Variants in PHLPP1 observed in about 807,000 individuals in gnomAD.
PHLPP1 encodes the protein PH domain and leucine rich repeat protein phosphatase 1, also known as PH domain leucine-rich repeat-containing protein phosphatase 1.
In PHLPP1, 42 loss-of-function variants were observed where a neutral mutation model predicts 117.2. That is an observed-to-expected ratio of 0.36 (90% CI 0.28 to 0.46). The LOEUF is 0.46. Ranked by LOEUF, PHLPP1 falls within the 20% of genes least tolerant of loss-of-function variation. PHLPP1 has a pLI of 1.00. For synonymous variants in PHLPP1, 1,042 were observed against 970.7 expected, an observed-to-expected ratio of 1.07 and a Z score of -1.37; for missense variants, 2,084 against 2,241.9, an observed-to-expected ratio of 0.93 and a Z score of 1.42.
At chr18:62,977,825 CAG>C (rs35903275) in intron 16 of PHLPP1, among the ~76,000 whole-genome samples, 17,249 of 152,182 alleles carry the variant, frequency 0.11, 1,250 homozygotes, top group African/African-American at 0.21. Flanking sequence ...CTTGCTACCT[CAG>C]AGTCTTCCTA....
intron 1 of PHLPP1, among the ~76,000 whole-genome samples, chr18:62,802,697 C>A (rs1243692369): frequency 6.6e-6 from 1 of 151,980 alleles, no homozygotes; most frequent in East Asian, 1.9e-4. Context: ...CATTTTTCTA[C>A]TGTGTGAAAA....
Position 62,905,998 on chromosome 18 carries a change from A to AG in PHLPP1, c.2708+714_2708+715insG, listed in dbSNP as rs561543149. ...TTTAACAATGAATTTTAAAATTGCA[A>AG]CTCATTTGGAAGGTAACTCCAAAGG... On this transcript the variant is annotated intron_variant, in intron 8 of 16. Transcript: ENST00000262719. 5.1e-4 allele frequency among the ~76,000 whole-genome samples: 77 copies of AG among 152,090 alleles called. 2 individuals are homozygous for AG. In the South Asian group the frequency reaches 0.016, roughly 31 times the overall value.
chr18:62,834,626 A>C (rs1030151356), intron 2 of PHLPP1, among the ~76,000 whole-genome samples: 7 of 152,202 alleles, frequency 4.6e-5, no homozygotes, highest in African/African-American at 1.7e-4. Context: ...TTGCATTCAC[A>C]TCAGTGTACA....
chr18:62,890,384 A>G (rs566837516), intron 4 of PHLPP1, among the ~76,000 whole-genome samples: 1 of 152,040 alleles, frequency 6.6e-6, no homozygotes, highest in Non-Finnish European at 1.5e-5. Context: ...CTCCTGCCTC[A>G]GCCTGCCGAG....
intron 4 of PHLPP1, among the ~76,000 whole-genome samples, chr18:62,879,982 C>G (rs774707483): frequency 2.8e-4 from 43 of 152,070 alleles, no homozygotes; most frequent in Admixed American, 7.2e-4. Flanking sequence ...CCCCCACCCC[C>G]CAATGCCGCC....
chr18:62,780,484 C>T (rs952728379), intron 1 of PHLPP1, among the ~76,000 whole-genome samples: 3 of 152,188 alleles, frequency 2.0e-5, no homozygotes, highest in Non-Finnish European at 2.9e-5. Flanking sequence ...ATCAGTTTTA[C>T]TTAAGGTTCA....
chr18:62,972,383 C>T (rs1035925256), intron 14 of PHLPP1, 131 bp from the exon 15 acceptor site: 1 of 712,124 alleles, frequency 1.4e-6, no homozygotes, highest in Admixed American at 3.3e-5. Flanking sequence ...GTCAGTTTAC[C>T]TGCCCTTAAT....
chr18:62,808,039 G>C (rs1914000596), intron 1 of PHLPP1, among the ~76,000 whole-genome samples: 1 of 152,158 alleles, frequency 6.6e-6, no homozygotes, highest in Non-Finnish European at 1.5e-5. Flanking sequence ...TGTGTGTGTG[G>C]TCTGTCTTGA....
chr18:62,920,558 T>C (rs558816768), intron 10 of PHLPP1, among the ~76,000 whole-genome samples: 14 of 152,284 alleles, frequency 9.2e-5, no homozygotes, highest in African/African-American at 3.4e-4. Context: ...TTGGTGGTGT[T>C]TTTTGTTTTT....
At chr18:62,798,431 T>C (rs964740472) in intron 1 of PHLPP1, among the ~76,000 whole-genome samples, 3 of 152,204 alleles carry the variant, frequency 2.0e-5, no homozygotes, top group African/African-American at 7.2e-5. Flanking sequence ...TACTCCCTAG[T>C]CTACACTGAT....
At chr18:62,976,612 G>A (rs904129990) in intron 16 of PHLPP1, among the ~76,000 whole-genome samples, 1 of 152,174 alleles carries the variant, frequency 6.6e-6, no homozygotes, top group Non-Finnish European at 1.5e-5. Context: ...TACCATCCAT[G>A]TGCATCCTCT....
At chr18:62,832,903 T>C (rs989204954) in intron 2 of PHLPP1, among the ~76,000 whole-genome samples, 4 of 152,152 alleles carry the variant, frequency 2.6e-5, no homozygotes, top group African/African-American at 9.7e-5. Context: ...ATTGCTGTGG[T>C]TTCATACCAC....
Position 62,978,671 on chromosome 18 carries a change from G to T in PHLPP1, c.4394G>T (p.Gly1465Val). 6.2e-7 allele frequency: 1 copy of T among 1,613,890 alleles called. No homozygotes were observed. Among genetic ancestry groups the T allele is most frequent in the Non-Finnish European group, 8.5e-7 (1 of 1,179,870 alleles). ...AAGGATCGGCCCTCAGATGGGCTGG[G>T]CGTGCCGTCCTCCAGCAGCGGCATG... ...VIKDRPSDGL[G>V]VPSSSSGMAS... Residue 1465 changes from glycine (G) to valine (V), a missense_variant, in exon 17 of 17, where the codon GGC becomes GTC. Physicochemically the swap from Gly to Val is moderately radical, Grantham distance 109 (BLOSUM62 -3). Coordinates refer to ENST00000262719, the MANE Select transcript of PHLPP1 (RefSeq NM_194449.4). The surrounding 1 kb of genome is among the most constrained non-coding windows in gnomAD (Gnocchi z 7.0).
intron 3 of PHLPP1, among the ~76,000 whole-genome samples, chr18:62,853,500 G>C (rs543047743): frequency 6.6e-6 from 1 of 152,130 alleles, no homozygotes; most frequent in East Asian, 1.9e-4. Flanking sequence ...CTCCTGAGTA[G>C]CTGGGATTAC....
chr18:62,824,528 G>A (rs536820009), intron 1 of PHLPP1, among the ~76,000 whole-genome samples: 23 of 152,214 alleles, frequency 1.5e-4, no homozygotes, highest in Middle Eastern at 3.4e-3. Context: ...ATGAGGAAAC[G>A]GCAGTGATCA....
chr18:62,817,805 C>T (rs1306705446), intron 1 of PHLPP1, among the ~76,000 whole-genome samples: 1 of 149,232 alleles, frequency 6.7e-6, no homozygotes, highest in African/African-American at 2.5e-5. Flanking sequence ...TTTAAAAAAG[C>T]ACTGACAGAA....
rs1377297254 is a variant in PHLPP1, at chr18:62,978,708, T to G, written c.4431T>G (p.Ile1477Met). 6.2e-7 allele frequency: 1 copy of G among 1,613,696 alleles called. No homozygotes were observed. The highest frequency in any genetic ancestry group is 1.3e-5 in the African/African-American group (1 of 74,956). Residue 1477 changes from isoleucine to methionine, a missense_variant, in exon 17 of 17, where the codon ATT becomes ATG. By Grantham distance (10) the Ile-to-Met change is conservative. Transcript: ENST00000262719. The surrounding 1 kb of genome is among the most constrained non-coding windows in gnomAD (Gnocchi z 7.0). ...PSSSSGMASEISSELSTSEMS... is the reference protein window; with the variant it reads ...PSSSSGMASEMSSELSTSEMS... ...CCAGCAGCGGCATGGCTTCCGAGAT[T>G]AGCAGTGAGCTCTCCACTTCTGAGA...
Position 62,957,819 on chromosome 18 carries a change from G to A in PHLPP1, c.3325-810G>A, listed in dbSNP as rs548108364. Among the ~76,000 whole-genome samples the A allele has an allele frequency of 8.6e-5, 13 of 151,936 alleles. No individual in the cohort carries two copies. In the South Asian group the frequency reaches 2.5e-3, roughly 29 times the overall value. ...CATCCTCCACCTCCCAGAATCAAGC[G>A]ATTCTCCTGCCTCACCCTCTCTAGT... On this transcript the variant is annotated intron_variant, in intron 12 of 16. Coordinates refer to ENST00000262719, the MANE Select transcript of PHLPP1 (RefSeq NM_194449.4).
chr18:62,836,468 TAAATAA>T (rs1914903117), intron 2 of PHLPP1, among the ~76,000 whole-genome samples: 1 of 144,434 alleles, frequency 6.9e-6, no homozygotes, highest in African/African-American at 2.6e-5. Context: ...AATAAATAAA[TAAATAA>T]ATAAATAAAT....
Sources: allele counts gnomAD v4.1 joint callset (sites outside exome capture counted in the v4.1 genomes callset), GRCh38; gene constraint gnomAD v4.1.1; non-coding constraint Gnocchi (gnomAD v3.1); transcripts MANE v1.5; gene names NCBI Gene and HGNC (gene_info 2026-07-23, HGNC 2026-07-21).